CPA6: variants seen among roughly 807,000 people sequenced by gnomAD.
The protein encoded by CPA6 is carboxypeptidase B.
A neutral mutation model predicts 63.3 loss-of-function variants in CPA6; 58 were observed. The observed-to-expected ratio is 0.92, with a 90% confidence interval of 0.74 to 1.14. The LOEUF (loss-of-function observed/expected upper bound fraction) is 1.14, where lower values mean the gene tolerates loss of function less well. Among genes scored for constraint, CPA6 ranks in the 50% most tolerant of loss-of-function variants. The pLI, the probability that CPA6 is intolerant of heterozygous loss-of-function variation, is 0.00. For missense variants in CPA6, 565 were observed against 526.6 expected (o/e 1.07, Z -0.71); for synonymous variants, 185 against 179.0 (o/e 1.03, Z -0.27).
chr8:67,673,381 TTTATTTA>T (rs1816393355), intron 1 of CPA6, among the ~76,000 whole-genome samples: 4 of 101,710 alleles, frequency 3.9e-5, no homozygotes, highest in African/African-American at 1.4e-4. Context: ...ATTATTATTA[TTTATTTA>T]TTTTTTTTTT....
At chr8:67,530,581 A>G (rs1812457814) in intron 2 of CPA6, among the ~76,000 whole-genome samples, 1 of 152,232 alleles carries the variant, frequency 6.6e-6, no homozygotes, top group Non-Finnish European at 1.5e-5. Context: ...AGTGCCCAGA[A>G]ATACAAGGAA....
At chr8:67,479,543 T>A (rs1212945219) in intron 8 of CPA6, among the ~76,000 whole-genome samples, 6 of 152,196 alleles carry the variant, frequency 3.9e-5, no homozygotes, top group African/African-American at 1.4e-4. Flanking sequence ...AGTTTTCCCT[T>A]GGGCCTACAC....
At chr8:67,450,696 CTATTGGCTG>C (rs1563957898) in intron 8 of CPA6, among the ~76,000 whole-genome samples, 1 of 152,194 alleles carries the variant, frequency 6.6e-6, no homozygotes, top group Non-Finnish European at 1.5e-5. Context: ...TGCCTTGTAT[CTATTGGCTG>C]TATAGCCACA....
chr8:67,669,273 T>C (rs1334683467), intron 1 of CPA6, among the ~76,000 whole-genome samples: 2 of 152,220 alleles, frequency 1.3e-5, no homozygotes, highest in East Asian at 3.9e-4. Context: ...ACTAGTCCCT[T>C]ACCTGTATGC....
rs139148127 is a variant in CPA6, at chr8:67,617,583, G to A, written c.192+6593C>T. Among the ~76,000 whole-genome samples, 1,342 of 152,264 alleles carry A rather than the reference G, an allele frequency of 8.8e-3. 19 individuals carry two copies. The highest frequency in any genetic ancestry group is 0.031 in the African/African-American group (1,269 of 41,550). On this transcript the variant is annotated intron_variant, in intron 2 of 10. Coordinates refer to ENST00000297770, the MANE Select transcript of CPA6 (RefSeq NM_020361.5). ...ATGAAGTATCATTCATAATGCTCCT[G>A]TGTATCTTCAGCCAGCATACCAAGC...
chr8:67,483,589 G>T, intron 8 of CPA6, 179 bp downstream of exon 8: 2 of 604,542 alleles, frequency 3.3e-6, no homozygotes, highest in Non-Finnish European at 3.0e-6. Context: ...TATTAAAAAA[G>T]AATCCTTTCA....
At chr8:67,716,564 G>A (rs147976768) in intron 1 of CPA6, among the ~76,000 whole-genome samples, 36 of 152,324 alleles carry the variant, frequency 2.4e-4, no homozygotes, top group Non-Finnish European at 5.3e-4. Context: ...TAGGGCAGAG[G>A]AAGCAATCAG....
At chr8:67,705,179 A>G (rs1006578321) in intron 1 of CPA6, among the ~76,000 whole-genome samples, 20 of 152,154 alleles carry the variant, frequency 1.3e-4, no homozygotes, top group Non-Finnish European at 2.5e-4. Flanking sequence ...AAAGTTCCGC[A>G]CAGCTTGCCA....
chr8:67,510,098 A>T (rs1461422741), intron 4 of CPA6, among the ~76,000 whole-genome samples: 1 of 152,152 alleles, frequency 6.6e-6, no homozygotes, highest in East Asian at 1.9e-4. Flanking sequence ...ATCTTTTTCC[A>T]TTTAAAGGTT....
chr8:67,654,786 C>T (rs2128991964), intron 1 of CPA6, among the ~76,000 whole-genome samples: 1 of 152,278 alleles, frequency 6.6e-6, no homozygotes, highest in Middle Eastern at 3.4e-3. Flanking sequence ...ATCATGAAAT[C>T]ATTCTAACAT....
intron 1 of CPA6, among the ~76,000 whole-genome samples, chr8:67,625,780 C>T (rs1321734899): frequency 6.6e-6 from 1 of 152,110 alleles, no homozygotes; most frequent in Non-Finnish European, 1.5e-5. Context: ...TACTATTTCA[C>T]CTACAACTTG....
intron 1 of CPA6, among the ~76,000 whole-genome samples, chr8:67,704,795 T>G (rs1022926264): frequency 2.0e-5 from 3 of 152,222 alleles, no homozygotes; most frequent in Non-Finnish European, 2.9e-5. Context: ...ACAGGCAACA[T>G]CTTTTTTCCT....
chr8:67,475,817 CCTTTCTTTTCTTT>C (rs1563967558), intron 8 of CPA6, among the ~76,000 whole-genome samples: 1 of 31,510 alleles, frequency 3.2e-5, no homozygotes, highest in South Asian at 1.3e-3. Context: ...TTCTTTCTTT[CCTTTCTTTTCTTT>C]CTTTCTTTCT....
At chr8:67,466,173 T>C (rs1810922844) in intron 8 of CPA6, among the ~76,000 whole-genome samples, 1 of 151,392 alleles carries the variant, frequency 6.6e-6, no homozygotes, top group East Asian at 2.0e-4. Context: ...AGTTTCTTAC[T>C]GATTCAATCT....
chr8:67,607,529 A>T (rs1244648437), intron 2 of CPA6, among the ~76,000 whole-genome samples: 1 of 151,818 alleles, frequency 6.6e-6, no homozygotes. Context: ...CAGACCCCAG[A>T]TTCCTTTTTA....
At chr8:67,706,995 ATTG>A (rs1303992531) in intron 1 of CPA6, among the ~76,000 whole-genome samples, 2 of 152,150 alleles carry the variant, frequency 1.3e-5, no homozygotes, top group African/African-American at 4.8e-5. Flanking sequence ...AATAATTATC[ATTG>A]TTATGTTAAA....
At chr8:67,536,292 G>A (rs1812583867) in intron 2 of CPA6, among the ~76,000 whole-genome samples, 1 of 152,166 alleles carries the variant, frequency 6.6e-6, no homozygotes, top group Non-Finnish European at 1.5e-5. Context: ...CTGGAAGTAT[G>A]GCTATTTTCA....
chr8:67,710,285 G>C (rs1040926122), intron 1 of CPA6, among the ~76,000 whole-genome samples: 2 of 151,956 alleles, frequency 1.3e-5, no homozygotes, highest in African/African-American at 4.8e-5. Flanking sequence ...AGAATAATTG[G>C]TAAATGTTTC....
intron 2 of CPA6, among the ~76,000 whole-genome samples, chr8:67,605,236 T>A (rs370012315): frequency 2.6e-5 from 4 of 152,086 alleles, no homozygotes; most frequent in African/African-American, 9.7e-5. Context: ...TTTAGATCTG[T>A]TTGTGGAATG....
Sources: gnomAD v4.1 joint callset for allele counts (sites outside exome capture counted in the v4.1 genomes callset) on GRCh38, gnomAD v4.1.1 for gene constraint, MANE v1.5 for transcripts, NCBI Gene and HGNC (gene_info 2026-07-23, HGNC 2026-07-21) for gene names.